Variants in TFB1M observed in about 807,000 individuals in gnomAD.
The protein encoded by TFB1M is transcription factor B1, mitochondrial, also known as dimethyladenosine transferase 1, mitochondrial.
In TFB1M, 27 loss-of-function variants were observed where a neutral mutation model predicts 31.1. The ratio of observed to expected loss-of-function variants is 0.87; its 90% CI spans 0.64 to 1.20. TFB1M has a LOEUF of 1.20. Among genes scored for constraint, TFB1M ranks in the 50% most tolerant of loss-of-function variants. TFB1M has a pLI of 0.00. For synonymous variants in TFB1M, 166 were observed against 151.8 expected (o/e 1.09, Z -0.69); for missense variants, 394 against 418.7 (o/e 0.94, Z 0.51).
chr6:155,314,275 G>T, intron 1 of TFB1M, 21 bp downstream of exon 1: 1 of 1,612,932 alleles, frequency 6.2e-7, no homozygotes, highest in Non-Finnish European at 8.5e-7. Context: ...GACATCCGGG[G>T]AGCACTGCTA....
intron 6 of TFB1M, 148 bp from the exon 7 acceptor site, chr6:155,258,230 T>C: frequency 1.0e-6 from 1 of 972,806 alleles, no homozygotes; most frequent in Non-Finnish European, 1.5e-6. Context: ...TTGGATTATA[T>C]AGCACCAGAT....
At chr6:155,307,858 C>T (rs1353265358) in intron 2 of TFB1M, among the ~76,000 whole-genome samples, 1 of 150,916 alleles carries the variant, frequency 6.6e-6, no homozygotes, top group Non-Finnish European at 1.5e-5. Flanking sequence ...TGTGTTGGGC[C>T]GCAGGCAGCC....
chr6:155,296,569 T>G (rs550560302), intron 4 of TFB1M, among the ~76,000 whole-genome samples: 1 of 151,240 alleles, frequency 6.6e-6, no homozygotes, highest in East Asian at 2.0e-4. Flanking sequence ...TGAGTCACCA[T>G]GCCCGGCCAA....
chr6:155,250,497 C>T, the TFB1M span: 3 of 1,506,442 alleles, frequency 2.0e-6, no homozygotes, highest in Non-Finnish European at 2.7e-6. Context: ...GAGATCAGTC[C>T]TTCACTCTGG....
At chr6:155,253,215 T>A (rs115440915), downstream of TFB1M, 1,812 of 577,392 alleles carry the variant, frequency 3.1e-3, 24 homozygotes, top group African/African-American at 0.03. Flanking sequence ...CTTAGCAGAC[T>A]TCTGGGAGAA....
At chr6:155,244,593 G>GAGT in the TFB1M span, 3 of 1,564,606 alleles carry the variant, frequency 1.9e-6, no homozygotes, top group Non-Finnish European at 2.6e-6. Context: ...GTGGGCCTAA[G>GAGT]AGTTAGCGTG....
downstream of TFB1M, chr6:155,254,657 G>T (rs1027623550): frequency 2.7e-5 from 41 of 1,517,742 alleles, no homozygotes; most frequent in Middle Eastern, 1.8e-4. Flanking sequence ...ACATAGCTGT[G>T]ACTTTTCACT....
chr6:155,256,682 A>AT lies in TFB1M; in HGVS notation c.*1153dup, dbSNP rs1402898929. 6.2e-7 allele frequency: 1 copy of AT among 1,614,204 alleles called. No individual in the cohort carries two copies. Among genetic ancestry groups the AT allele is most frequent in the Admixed American group, 1.7e-5 (1 of 60,030 alleles). ...AAATACCCACACCCCGGCTTGGCAG[A>AT]TTTTGCCGACAATCTCATCAAAGAG... On this transcript the variant is annotated 3_prime_UTR_variant, in exon 7 of 7. Transcript: ENST00000367166.
rs747123813 is a variant in TFB1M, at chr6:155,297,000, A to C, written c.499T>G (p.Tyr167Asp). 6.2e-7 allele frequency: 1 copy of C among 1,614,020 alleles called. No homozygotes were observed. The highest frequency in any genetic ancestry group is 8.5e-7 in the Non-Finnish European group (1 of 1,179,940). ...NISCRDGPFV[Y>D]GRTQMTLTFQ... is the part of the protein sequence containing the mutation. ...GTCAAAGTCATCTGAGTTCTGCCATAAACAAAAGGTCCATCTCTACAGGAA... is the reference window on the plus strand; with the variant it reads ...GTCAAAGTCATCTGAGTTCTGCCATCAACAAAAGGTCCATCTCTACAGGAA... Residue 167 changes from tyrosine to aspartate, a missense_variant, in exon 4 of 7, where the codon TAT (tyrosine) becomes GAT (aspartate). Coordinates refer to ENST00000367166, the MANE Select transcript of TFB1M (RefSeq NM_016020.4).
Position 155,256,707 on chromosome 6 carries a change from G to A in TFB1M, c.*1129C>T. On this transcript the variant is annotated 3_prime_UTR_variant, in exon 7 of 7. Transcript: ENST00000367166. ...ATTTTGCCGACAATCTCATCAAAGA[G>A]AGTGACATCCTGAGCGATGAAGATG... 1.2e-6 allele frequency: 2 copies of A among 1,614,226 alleles called. No homozygotes were observed. The highest frequency in any genetic ancestry group is 1.7e-6 in the Non-Finnish European group (2 of 1,180,046).
chr6:155,295,649 C>T (rs574901110), intron 4 of TFB1M, among the ~76,000 whole-genome samples: 6 of 152,116 alleles, frequency 3.9e-5, no homozygotes, highest in Non-Finnish European at 8.8e-5. Context: ...GTACATTATA[C>T]AGTCATCCGT....
intron 5 of TFB1M, among the ~76,000 whole-genome samples, chr6:155,272,886 TTATAAAA>T (rs760829367): frequency 2.2e-4 from 33 of 152,246 alleles, no homozygotes; most frequent in Non-Finnish European, 3.2e-4. Flanking sequence ...ATACTGAAAG[TTATAAAA>T]TATATCAGTT....
At chr6:155,235,979 G>T in the TFB1M span, among the ~76,000 whole-genome samples, 3 of 152,066 alleles carry the variant, frequency 2.0e-5, no homozygotes, top group Admixed American at 6.5e-5. Context: ...ATTTTATACA[G>T]TATATTCAAG....
Position 155,256,482 on chromosome 6 carries a change from A to G in TFB1M, c.*1354T>C. 6.2e-7 allele frequency: 1 copy of G among 1,614,166 alleles called. No individual in the cohort carries two copies. Among genetic ancestry groups the G allele is most frequent in the Non-Finnish European group, 8.5e-7 (1 of 1,180,042 alleles). On this transcript the variant is annotated 3_prime_UTR_variant, in exon 7 of 7. Transcript: ENST00000367166. ...CAGCGAAATGTGTTTTTCTCACTGT[A>G]GCTTCATCCAGGTCTTTAAAAGTCC...
At position 155,256,461 on chromosome 6, in the gene TFB1M, GA is replaced by G; in HGVS notation, c.*1374del. The G allele has an allele frequency of 6.2e-7, 1 of 1,613,916 alleles. No homozygotes were observed. The highest frequency in any genetic ancestry group is 8.5e-7 in the Non-Finnish European group (1 of 1,180,008). ...GTGTAACCTGTTTCTGTATCACAGC[GA>G]AATGTGTTTTTCTCACTGTAGCTTC... is the stretch of plus-strand genomic sequence containing the variant. On this transcript the variant is annotated 3_prime_UTR_variant, in exon 7 of 7. Coordinates refer to ENST00000367166, the MANE Select transcript of TFB1M (RefSeq NM_016020.4).
intron 4 of TFB1M, among the ~76,000 whole-genome samples, chr6:155,292,240 G>C (rs1047322674): frequency 6.6e-6 from 1 of 152,200 alleles, no homozygotes; most frequent in Non-Finnish European, 1.5e-5. Context: ...GACTACCAGA[G>C]ACATGGAAAA....
At chr6:155,276,509 A>T in intron 5 of TFB1M, 4 of 807,348 alleles carry the variant, frequency 5.0e-6, no homozygotes, top group Non-Finnish European at 5.8e-6. Context: ...AACAACTACA[A>T]AGTAGTTTAA....
chr6:155,246,673 AAAG>A, the TFB1M span, among the ~76,000 whole-genome samples: 1 of 152,062 alleles, frequency 6.6e-6, no homozygotes. Context: ...TAGTACAGTG[AAAG>A]CATACCAATG....
intron 5 of TFB1M, 200 bp from the exon 6 acceptor site, chr6:155,260,600 C>G (rs546403084): frequency 1.5e-6 from 1 of 659,726 alleles, no homozygotes; most frequent in South Asian, 1.7e-5. Context: ...AGAAATCAGC[C>G]GGCTGCACCT....
Sources: allele counts gnomAD v4.1 joint callset (sites outside exome capture counted in the v4.1 genomes callset), GRCh38; gene constraint gnomAD v4.1.1; transcripts MANE v1.5; gene names NCBI Gene and HGNC (gene_info 2026-07-23, HGNC 2026-07-21).